Variants in SERPINF1 observed in about 807,000 individuals in gnomAD.
SERPINF1 encodes the protein serpin family F member 1.
SERPINF1 carries 29 observed loss-of-function variants against 37.3 expected under a neutral mutation model. The observed-to-expected ratio is 0.78, with a 90% CI of 0.58 to 1.06. The LOEUF (loss-of-function observed/expected upper bound fraction) is 1.06, where lower values mean the gene tolerates loss of function less well. Ranked by LOEUF, SERPINF1 falls within the 50% of genes least tolerant of loss-of-function variation. The pLI is 0.00. For synonymous variants in SERPINF1, 281 were observed against 227.9 expected, an observed-to-expected ratio of 1.23 and a Z score of -2.10; for missense variants, 553 against 532.2, an observed-to-expected ratio of 1.04 and a Z score of -0.38.
In SERPINF1 at chr17:1,769,867, G is replaced by A. The variant is rs369111028; in HGVS notation, c.100G>A (p.Asp34Asn). 56 of 1,614,068 alleles carry A rather than the reference G, an allele frequency of 3.5e-5. No individual in the cohort carries two copies. Among genetic ancestry groups the A allele is most frequent in the African/African-American group, 2.8e-4 (21 of 74,928 alleles). ...SPPEEGSPDPDSTGALVEEED... is the reference protein window; with the variant it reads ...SPPEEGSPDPNSTGALVEEED... ...CTCCTGCCAGGGCTCCCCAGACCCC[G>A]ACAGCACAGGGGCGCTGGTGGAGGA... The change falls in exon 3 of 8, where the codon GAC becomes AAC. Residue 34 changes from aspartate (D) to asparagine (N), a missense_variant. By Grantham distance (23) the Asp-to-Asn change is conservative. Transcript: ENST00000254722.
chr17:1,769,034 T>C (rs1907559164), intron 2 of SERPINF1, among the ~76,000 whole-genome samples: 1 of 150,614 alleles, frequency 6.6e-6, no homozygotes, highest in Non-Finnish European at 1.5e-5. Flanking sequence ...CTCGAACTCC[T>C]GACCTCAAGT....
Position 1,776,647 on chromosome 17 carries a change from T to C in SERPINF1, c.902T>C (p.Ile301Thr), listed in dbSNP as rs112099952. The C allele has an allele frequency of 5.2e-4, 839 of 1,613,908 alleles. 1 individual carries two copies. The highest frequency in any genetic ancestry group is 6.3e-4 in the Non-Finnish European group (744 of 1,180,022). Residue 301 changes from isoleucine to threonine, a missense_variant, in exon 7 of 8, where the codon ATA (isoleucine) becomes ACA (threonine). Ile to Thr is a moderately conservative substitution (Grantham distance 89). Transcript: ENST00000254722. ...CTCACCTCCGAGTTCATTCATGACA[T>C]AGACCGAGAACTGAAGACCGTGCAG... ...ESLTSEFIHD[I>T]DRELKTVQAV...
intron 6 of SERPINF1, 23 bp downstream of exon 6, chr17:1,775,223 T>TA (rs1555572633): frequency 5.7e-6 from 9 of 1,568,442 alleles, no homozygotes; most frequent in Non-Finnish European, 7.9e-6. Context: ...AGGGGCAGGG[T>TA]GGGGGGTGGA....
At chr17:1,777,105 C>T (rs1597357329) in intron 7 of SERPINF1, 82 bp from the exon 8 acceptor site, 2 of 1,607,714 alleles carry the variant, frequency 1.2e-6, no homozygotes, top group Non-Finnish European at 1.7e-6. Flanking sequence ...CTGCGCCATC[C>T]CAGCTTGCTT....
At position 1,771,218 on chromosome 17, in the gene SERPINF1, C is replaced by A. The variant is rs1432589736; in HGVS notation, c.439+34C>A. 26 of 1,604,318 alleles carry A rather than the reference C, an allele frequency of 1.6e-5. No homozygotes were observed. The East Asian group carries it at 5.8e-4, about 36-fold the overall frequency. On this transcript the variant is annotated intron_variant, in intron 4 of 7. Coordinates refer to ENST00000254722, the MANE Select transcript of SERPINF1 (RefSeq NM_002615.7). The stretch of plus-strand genomic sequence containing the variant: ...CCTTTGCAGCCCAAGTTGCCTGAGG[C>A]ATGTGGGCTCCATGCTGCAGGCTGG...
chr17:1,777,090 C>T, intron 7 of SERPINF1, 97 bp from the exon 8 acceptor site: 1 of 1,589,720 alleles, frequency 6.3e-7, no homozygotes, highest in East Asian at 2.2e-5. Flanking sequence ...AGAAAGTCAA[C>T]AGTGCTGCGC....
chr17:1,764,027 T>C (rs766268505), intron 1 of SERPINF1, among the ~76,000 whole-genome samples: 1 of 152,076 alleles, frequency 6.6e-6, no homozygotes, highest in African/African-American at 2.4e-5. Context: ...TACTAAAACA[T>C]AAAAATTAAC....
At chr17:1,776,833 T>A (rs1392115432) in intron 7 of SERPINF1, 91 bp downstream of exon 7, 37 of 1,214,720 alleles carry the variant, frequency 3.0e-5, no homozygotes, top group Middle Eastern at 2.2e-4. Flanking sequence ...ACGCAAGGGC[T>A]CCACAGGCTT....
chr17:1,762,602 C>T (rs1907151090), intron 1 of SERPINF1, among the ~76,000 whole-genome samples: 2 of 152,194 alleles, frequency 1.3e-5, no homozygotes, highest in South Asian at 4.1e-4. Flanking sequence ...TCAGCTGGTG[C>T]TGACTGTTAA....
At chr17:1,769,682 C>A (rs902155294) in intron 2 of SERPINF1, 170 bp from the exon 3 acceptor site, 3 of 711,364 alleles carry the variant, frequency 4.2e-6, no homozygotes, top group African/African-American at 3.5e-5. Context: ...AGAGCTCATG[C>A]GTGATCAGGG....
rs1265156778 is a variant in SERPINF1 at position 1,776,683 on chromosome 17, C to G, written c.938C>G (p.Thr313Ser). 6.2e-7 allele frequency: 1 copy of G among 1,613,476 alleles called. No homozygotes were observed. Among genetic ancestry groups the G allele is most frequent in the South Asian group, 1.1e-5 (1 of 91,024 alleles). Residue 313 changes from threonine (T) to serine (S), a missense_variant, in exon 7 of 8, where the codon ACT (threonine) becomes AGT (serine). Coordinates refer to ENST00000254722, the MANE Select transcript of SERPINF1 (RefSeq NM_002615.7). Reference sequence around the variant, plus strand: ...CTGAAGACCGTGCAGGCGGTCCTCACTGTCCCCAAGCTGAAGCTGAGTTAT... The same window carrying G: ...CTGAAGACCGTGCAGGCGGTCCTCAGTGTCCCCAAGCTGAAGCTGAGTTAT... ...RELKTVQAVL[T>S]VPKLKLSYEG...
Position 1,766,888 on chromosome 17 carries a change from G to A in SERPINF1, c.-8-15G>A, listed in dbSNP as rs749943906. The A allele has an allele frequency of 1.5e-5, 23 of 1,552,104 alleles. No homozygotes were observed. In the South Asian group the frequency reaches 2.1e-4, roughly 14 times the overall value. ...TCGGGGGAGAGCGGCTTGCTGCCTC[G>A]TTCTTTTCTTGCAGGCCCCAGGATG... On this transcript the variant is annotated splice_polypyrimidine_tract_variant and intron_variant, in intron 1 of 7. Coordinates refer to ENST00000254722, the MANE Select transcript of SERPINF1 (RefSeq NM_002615.7).
rs540335442 is a variant in SERPINF1, at chr17:1,764,493, G to A, written c.-9+2380G>A. On this transcript the variant is annotated intron_variant, in intron 1 of 7. Transcript: ENST00000254722. ...TCTCCCTGCATGTCAGGGCAGCCAC[G>A]TGCAAGAGCAGCTGGCTGGGAACGC... Among the ~76,000 whole-genome samples, 9 of 152,384 alleles carry A rather than the reference G, an allele frequency of 5.9e-5. No individual in the cohort carries two copies. In the South Asian group the frequency reaches 1.7e-3, roughly 28 times the overall value.
At chr17:1,771,784 A>G (rs1567755246) in intron 4 of SERPINF1, 88 bp from the exon 5 acceptor site, 1 of 1,359,496 alleles carries the variant, frequency 7.4e-7, no homozygotes, top group Non-Finnish European at 1.0e-6. Flanking sequence ...GCTGAGCGCT[A>G]AACCAGAACC....
At chr17:1,775,464 CAT>C (rs970990931) in intron 6 of SERPINF1, among the ~76,000 whole-genome samples, 17 of 151,944 alleles carry the variant, frequency 1.1e-4, no homozygotes, top group East Asian at 5.8e-4. Flanking sequence ...TGGGCACCCA[CAT>C]GTTTGTTCTC....
At chr17:1,769,315 A>G (rs76145414) in intron 2 of SERPINF1, among the ~76,000 whole-genome samples, 13,125 of 151,622 alleles carry the variant, frequency 0.087, 1,938 homozygotes, top group African/African-American at 0.3. Context: ...AGGCTGAGGC[A>G]GGAGAATGGC....
chr17:1,777,430 AC>A lies in SERPINF1; in HGVS notation c.1245del (p.Arg416GlyfsTer8). 1.2e-6 allele frequency: 2 copies of A among 1,614,064 alleles called. No homozygotes were observed. Among genetic ancestry groups the A allele is most frequent in the Non-Finnish European group, 1.7e-6 (2 of 1,180,014 alleles). ...GALLFIGKIL[D>X]PRGP ...CTTCTCTTCATTGGCAAGATTCTGG[AC>A]CCCAGGGGCCCCTAATATCCCAGTT... On this transcript the variant is annotated frameshift_variant, in exon 8 of 8. Coordinates refer to ENST00000254722, the MANE Select transcript of SERPINF1 (RefSeq NM_002615.7). LOFTEE classifies it high-confidence loss of function.
At chr17:1,774,256 T>C (rs985361355) in intron 5 of SERPINF1, among the ~76,000 whole-genome samples, 3 of 152,174 alleles carry the variant, frequency 2.0e-5, no homozygotes, top group Non-Finnish European at 4.4e-5. Context: ...AGTGCTGTGG[T>C]GTGATCTCAG....
In SERPINF1 at chr17:1,767,743, G is replaced by A. The variant is rs58231904; in HGVS notation, c.84+749G>A. ...CGTGAGGTCAGAGTATGAATTCTGC[G>A]TCTCCCTCTTCCTAGCTTTGTGACC... On this transcript the variant is annotated intron_variant, in intron 2 of 7. Transcript: ENST00000254722. Among the ~76,000 whole-genome samples the A allele has an allele frequency of 6.9e-3, 1,044 of 152,224 alleles. 18 individuals carry two copies. Among genetic ancestry groups the A allele is most frequent in the African/African-American group, 0.023 (953 of 41,540 alleles).
Sources: allele counts gnomAD v4.1 joint callset (sites outside exome capture counted in the v4.1 genomes callset), GRCh38; gene constraint gnomAD v4.1.1; transcripts MANE v1.5; gene names NCBI Gene and HGNC (gene_info 2026-07-23, HGNC 2026-07-21).